The following MACROD2 variants were observed in gnomAD, a reference collection of about 807,000 sequenced individuals.
The protein encoded by MACROD2 is ADP-ribose glycohydrolase MACROD2.
A neutral mutation model predicts 70.4 loss-of-function variants in MACROD2; 36 were observed. The ratio of observed to expected loss-of-function variants is 0.51; its 90% CI spans 0.39 to 0.68. MACROD2 has a LOEUF of 0.68. Ranked by LOEUF, MACROD2 falls within the 30% of genes least tolerant of loss-of-function variation. The pLI is 0.00. For synonymous variants in MACROD2, 172 were observed against 178.8 expected (o/e 0.96, Z 0.30); for missense variants, 496 against 538.4 (o/e 0.92, Z 0.78).
At chr20:15,490,231 T>C (rs1278818618) in intron 7 of MACROD2, among the ~76,000 whole-genome samples, 1 of 92,666 alleles carries the variant, frequency 1.1e-5, no homozygotes, top group African/African-American at 3.9e-5. Flanking sequence ...CTCCCTTCCT[T>C]CCTCCCTTCC....
intron 5 of MACROD2, among the ~76,000 whole-genome samples, chr20:14,768,620 T>C (rs2072123281): frequency 6.6e-6 from 1 of 151,946 alleles, no homozygotes. Flanking sequence ...TGCCCGACCT[T>C]TCCTCTTTTT....
chr20:15,146,632 G>A (rs938433779), intron 5 of MACROD2, among the ~76,000 whole-genome samples: 2 of 152,086 alleles, frequency 1.3e-5, no homozygotes, highest in Non-Finnish European at 2.9e-5. Flanking sequence ...CATCAAAGAA[G>A]TCTTTTTGTT....
At chr20:14,745,619 T>C (rs1226030216) in intron 5 of MACROD2, among the ~76,000 whole-genome samples, 1 of 152,216 alleles carries the variant, frequency 6.6e-6, no homozygotes, top group African/African-American at 2.4e-5. Context: ...TACTTATTCA[T>C]TGGGTTGTTA....
At chr20:15,201,941 A>C (rs1428145395) in intron 5 of MACROD2, among the ~76,000 whole-genome samples, 2 of 152,200 alleles carry the variant, frequency 1.3e-5, no homozygotes, top group Admixed American at 1.3e-4. Flanking sequence ...CAGTGACCAA[A>C]GTAAATTGGC....
intron 8 of MACROD2, among the ~76,000 whole-genome samples, chr20:15,515,604 G>GT (rs2047556514): frequency 6.6e-6 from 1 of 152,154 alleles, no homozygotes. Flanking sequence ...TTTTTGTTTT[G>GT]TGTTTTAATC....
chr20:15,900,825 C>T (rs1325628114), intron 10 of MACROD2, among the ~76,000 whole-genome samples: 1 of 152,266 alleles, frequency 6.6e-6, no homozygotes, highest in Middle Eastern at 3.4e-3. Flanking sequence ...CTGCTTCCTA[C>T]TTGGGCAGTT....
At chr20:16,039,566 A>G (rs1266727250) in intron 15 of MACROD2, among the ~76,000 whole-genome samples, 2 of 151,924 alleles carry the variant, frequency 1.3e-5, no homozygotes, top group African/African-American at 4.8e-5. Flanking sequence ...TTATAAAGTC[A>G]AATATTTTGT....
intron 3 of MACROD2, among the ~76,000 whole-genome samples, chr20:14,125,700 G>T (rs887639069): frequency 6.6e-6 from 1 of 151,960 alleles, no homozygotes; most frequent in African/African-American, 2.4e-5. Flanking sequence ...TGATGCATTA[G>T]AAAATTATTT....
At chr20:15,819,438 A>C (rs1209529299) in intron 8 of MACROD2, among the ~76,000 whole-genome samples, 1 of 141,316 alleles carries the variant, frequency 7.1e-6, no homozygotes, top group African/African-American at 2.7e-5. Context: ...TAAGTATATA[A>C]TTATATAAAT....
chr20:15,387,980 G>T (rs1568768758), intron 6 of MACROD2, among the ~76,000 whole-genome samples: 1 of 151,962 alleles, frequency 6.6e-6, no homozygotes, highest in East Asian at 1.9e-4. Flanking sequence ...TGAACTCCTG[G>T]GCTCAAGCCG....
chr20:15,841,653 C>T (rs961898387), intron 8 of MACROD2, among the ~76,000 whole-genome samples: 1 of 152,034 alleles, frequency 6.6e-6, no homozygotes, highest in Non-Finnish European at 1.5e-5. Flanking sequence ...ATTCACTCAC[C>T]TCCCACCAGG....
chr20:15,663,635 G>A (rs111341209), intron 8 of MACROD2, among the ~76,000 whole-genome samples: 1,650 of 151,810 alleles, frequency 0.011, 28 homozygotes, highest in African/African-American at 0.037. Flanking sequence ...AAAAAAAACC[G>A]TGTCTGGGCT....
intron 3 of MACROD2, among the ~76,000 whole-genome samples, chr20:14,161,426 A>G (rs1247659398): frequency 1.3e-5 from 2 of 151,544 alleles, no homozygotes; most frequent in African/African-American, 4.9e-5. Flanking sequence ...TGACCTCATG[A>G]TCCGCCCACC....
intron 5 of MACROD2, among the ~76,000 whole-genome samples, chr20:15,037,355 C>T (rs567385935): frequency 1.7e-3 from 255 of 152,228 alleles, no homozygotes; most frequent in African/African-American, 5.4e-3. Flanking sequence ...TTTTTAAATT[C>T]TTGTTTTTGA....
At chr20:14,719,209 G>A (rs911343170) in intron 5 of MACROD2, among the ~76,000 whole-genome samples, 2 of 151,664 alleles carry the variant, frequency 1.3e-5, no homozygotes, top group African/African-American at 2.4e-5. Context: ...CCAGCCTGGC[G>A]ACAGAGTGAG....
At chr20:14,154,552 A>ATTTTTTTTTTTTTTTTTTTT (rs869299523) in intron 3 of MACROD2, among the ~76,000 whole-genome samples, 2 of 106,652 alleles carry the variant, frequency 1.9e-5, no homozygotes, top group African/African-American at 3.7e-5. Flanking sequence ...CGCCCGGCTA[A>ATTTTTTTTTTTTTTTTTTTT]TTTTTTTTTT....
At chr20:15,045,468 T>G (rs1214431070) in intron 5 of MACROD2, among the ~76,000 whole-genome samples, 1 of 152,162 alleles carries the variant, frequency 6.6e-6, no homozygotes, top group South Asian at 2.1e-4. Flanking sequence ...CTTGCAGGCA[T>G]GTCTCCACGT....
At chr20:15,239,331 T>C (rs992876079) in intron 6 of MACROD2, among the ~76,000 whole-genome samples, 5 of 152,098 alleles carry the variant, frequency 3.3e-5, no homozygotes, top group African/African-American at 1.2e-4. Flanking sequence ...GAAAGAAAGC[T>C]TTCTTGACTT....
In MACROD2 at chr20:15,425,367, TA is replaced by T. The variant is rs764963530; in HGVS notation, c.541-6037del. ...TCCTAAATGATAAGAAAGCATGTGT[TA>T]TATTTTAACTGGTGGAGCTTTCTCT... On this transcript the variant is annotated intron_variant, in intron 6 of 17. Coordinates refer to ENST00000684519, the MANE Select transcript of MACROD2 (RefSeq NM_001351661.2). 3.9e-4 allele frequency among the ~76,000 whole-genome samples: 59 copies of T among 152,352 alleles called. 1 individual carries two copies. The highest frequency in any genetic ancestry group is 6.3e-4 in the Non-Finnish European group (43 of 68,038).
Sources: allele counts gnomAD v4.1 joint callset (sites outside exome capture counted in the v4.1 genomes callset), GRCh38; gene constraint gnomAD v4.1.1; transcripts MANE v1.5; gene names NCBI Gene and HGNC (gene_info 2026-07-23, HGNC 2026-07-21).